Variants in NDUFB3 observed in about 807,000 individuals in gnomAD.
NDUFB3 encodes NADH dehydrogenase [ubiquinone] 1 beta subcomplex subunit 3.
NDUFB3 carries 7 observed loss-of-function variants against 9.0 expected under a neutral mutation model. The observed-to-expected ratio is 0.78, with a 90% CI of 0.44 to 1.46. The LOEUF (loss-of-function observed/expected upper bound fraction) is 1.46. NDUFB3 is among the 40% of genes most tolerant of loss of function. The pLI is 0.01. For synonymous variants in NDUFB3, 29 were observed against 38.5 expected (o/e 0.75, Z 0.91); for missense variants, 93 against 115.4 (o/e 0.81, Z 0.89).
chr2:201,081,116 T>G, intron 2 of NDUFB3, among the ~76,000 whole-genome samples: 1 of 152,118 alleles, frequency 6.6e-6, no homozygotes, highest in Non-Finnish European at 1.5e-5. Flanking sequence ...GGATTTTAAT[T>G]GGGATCACAT....
chr2:201,083,838 G>A (rs2047260098), intron 2 of NDUFB3, among the ~76,000 whole-genome samples: 1 of 151,954 alleles, frequency 6.6e-6, no homozygotes, highest in Admixed American at 6.6e-5. Flanking sequence ...ATATGCTGTC[G>A]GATTCAGTTT....
At position 201,079,917 on chromosome 2, in the gene NDUFB3, C is replaced by A. The variant is rs902460848; in HGVS notation, c.140+895C>A. On this transcript the variant is annotated intron_variant, in intron 2 of 2. Transcript: ENST00000237889. ...TATGGCCCTGTGCAAGGATTTAAAACAATTTTTTTTAAGGTTTGCAAATGT... is the reference window on the plus strand; with the variant it reads ...TATGGCCCTGTGCAAGGATTTAAAAAAATTTTTTTTAAGGTTTGCAAATGT... The A allele has an allele frequency of 2.0e-5, 3 of 152,076 alleles. No individual in the cohort carries two copies. In the East Asian group the frequency reaches 5.8e-4, roughly 29 times the overall value. The allele number at this position is 152,076 out of a possible 1,614,324, so 9.4% of individuals were successfully genotyped here. A position where few individuals can be genotyped will look rare whatever the true frequency, so the allele number is the denominator to read the frequency against.
At chr2:201,081,703 CA>C (rs1559149711) in intron 2 of NDUFB3, among the ~76,000 whole-genome samples, 2 of 151,774 alleles carry the variant, frequency 1.3e-5, no homozygotes, top group African/African-American at 4.8e-5. Flanking sequence ...GGCTGGAGTG[CA>C]GTGGCACAAT....
intron 1 of NDUFB3, among the ~76,000 whole-genome samples, chr2:201,075,531 A>T (rs1180269790): frequency 1.4e-5 from 2 of 147,718 alleles, no homozygotes; most frequent in Middle Eastern, 3.2e-3. Flanking sequence ...GCGCCACTGT[A>T]CTACAGCCTG....
At chr2:201,076,507 AT>A (rs1292920258) in intron 1 of NDUFB3, among the ~76,000 whole-genome samples, 3,747 of 146,490 alleles carry the variant, frequency 0.026, 91 homozygotes, top group Middle Eastern at 0.04. Flanking sequence ...ATATATATAT[AT>A]ATATAATTAA....
In NDUFB3 at chr2:201,075,084, G is replaced by A. The variant is rs563289634; in HGVS notation, c.-3+3025G>A. ...AAATGGGCCAGGTGCCATGGCTCAC[G>A]CCTGTAGTCCCAATATTTTAGGAGG... On this transcript the variant is annotated intron_variant, in intron 1 of 2. Coordinates refer to ENST00000237889, the MANE Select transcript of NDUFB3 (RefSeq NM_002491.3). Among the ~76,000 whole-genome samples, 18 of 151,212 alleles carry A rather than the reference G, an allele frequency of 1.2e-4. 1 individual carries two copies. In the South Asian group the frequency reaches 3.5e-3, roughly 30 times the overall value.
chr2:201,076,405 C>G (rs1361210719), intron 1 of NDUFB3, among the ~76,000 whole-genome samples: 1 of 150,384 alleles, frequency 6.6e-6, no homozygotes, highest in African/African-American at 2.4e-5. Flanking sequence ...ACTCAGGAGG[C>G]TGAGGCAGGA....
chr2:201,084,041 A>G (rs2047262626), intron 2 of NDUFB3, among the ~76,000 whole-genome samples: 1 of 152,196 alleles, frequency 6.6e-6, no homozygotes. Flanking sequence ...CTGTAATCCC[A>G]GCACTTTGGG....
At chr2:201,074,758 G>C (rs2047142027) in intron 1 of NDUFB3, among the ~76,000 whole-genome samples, 1 of 152,050 alleles carries the variant, frequency 6.6e-6, no homozygotes, top group African/African-American at 2.4e-5. Context: ...GCCCAGCCAT[G>C]TTCAGCCTTT....
intron 1 of NDUFB3, among the ~76,000 whole-genome samples, chr2:201,077,983 A>C (rs1270753809): frequency 1.3e-5 from 2 of 152,162 alleles, no homozygotes; most frequent in African/African-American, 4.8e-5. Context: ...GAAAGGATTC[A>C]AAAGGAAAAC....
chr2:201,080,497 G>T (rs1331332565), intron 2 of NDUFB3, among the ~76,000 whole-genome samples: 1 of 152,034 alleles, frequency 6.6e-6, no homozygotes, highest in Non-Finnish European at 1.5e-5. Flanking sequence ...TTGAGCCCAG[G>T]ATGTCCAGGC....
chr2:201,085,733 AAT>A lies in NDUFB3; in HGVS notation c.*129_*130del, dbSNP rs58405709. 6.8e-5 allele frequency: 47 copies of A among 692,798 alleles called. No individual in the cohort carries two copies. The highest frequency in any genetic ancestry group is 8.6e-5 in the East Asian group (3 of 35,042). The allele number at this position is 692,798 out of a possible 1,614,324, so 42.9% of individuals were successfully genotyped here. A position where few individuals can be genotyped will look rare whatever the true frequency, so the allele number is the denominator to read the frequency against. On this transcript the variant is annotated 3_prime_UTR_variant, in exon 3 of 3. Coordinates refer to ENST00000237889, the MANE Select transcript of NDUFB3 (RefSeq NM_002491.3). ...ATATTAGTAAGATTTAATCAATTAA[AAT>A]ATATATATATGCCAATCTGCTTTTG...
Position 201,073,750 on chromosome 2 carries a change from G to A in NDUFB3, c.-3+1691G>A, listed in dbSNP as rs567344522. 2.0e-3 allele frequency among the ~76,000 whole-genome samples: 309 copies of A among 151,710 alleles called. 1 individual carries two copies. Among genetic ancestry groups the A allele is most frequent in the Non-Finnish European group, 8.8e-4 (60 of 67,942 alleles). On this transcript the variant is annotated intron_variant, in intron 1 of 2. Coordinates refer to ENST00000237889, the MANE Select transcript of NDUFB3 (RefSeq NM_002491.3). The stretch of plus-strand genomic sequence containing the variant: ...ACCACCCACTGCACTCCAGCCTGGC[G>A]ACAGAGTGATACTCCATCTCAAAAA...
At chr2:201,081,832 T>C (rs1463766008) in intron 2 of NDUFB3, among the ~76,000 whole-genome samples, 1 of 145,558 alleles carries the variant, frequency 6.9e-6, no homozygotes, top group Non-Finnish European at 1.5e-5. Context: ...TTTTTTTTTT[T>C]TGAAATGGAG....
At chr2:201,075,565 CAAAAAAAAAA>C (rs771947770) in intron 1 of NDUFB3, among the ~76,000 whole-genome samples, 1 of 48,038 alleles carries the variant, frequency 2.1e-5, no homozygotes, top group Non-Finnish European at 4.6e-5. Flanking sequence ...GACTCTGTCT[CAAAAAAAAAA>C]AAAAAAAAAA....
chr2:201,079,670 T>G (rs1409243199), intron 2 of NDUFB3, among the ~76,000 whole-genome samples: 2 of 152,118 alleles, frequency 1.3e-5, no homozygotes, highest in East Asian at 3.9e-4. Flanking sequence ...CTCAAATTCC[T>G]GAGGTGAAGT....
At chr2:201,084,027 A>G (rs2047262426) in intron 2 of NDUFB3, among the ~76,000 whole-genome samples, 1 of 152,118 alleles carries the variant, frequency 6.6e-6, no homozygotes, top group South Asian at 2.1e-4. Flanking sequence ...GCGGTGGCTC[A>G]TGCCTGTAAT....
chr2:201,082,156 G>T (rs2047232488), intron 2 of NDUFB3, among the ~76,000 whole-genome samples: 1 of 151,954 alleles, frequency 6.6e-6, no homozygotes, highest in Non-Finnish European at 1.5e-5. Flanking sequence ...GTTTCACCAT[G>T]TTGGCCAGGC....
chr2:201,084,012 C>T (rs1336029538), intron 2 of NDUFB3, among the ~76,000 whole-genome samples: 4 of 152,000 alleles, frequency 2.6e-5, no homozygotes, highest in African/African-American at 7.2e-5. Flanking sequence ...AAAAATTGGC[C>T]GGGCGCGGTG....
Sources: allele counts gnomAD v4.1 joint callset (sites outside exome capture counted in the v4.1 genomes callset), GRCh38; gene constraint gnomAD v4.1.1; transcripts MANE v1.5; gene names NCBI Gene and HGNC (gene_info 2026-07-23, HGNC 2026-07-21).